The following AK8 variants were observed in gnomAD, a reference collection of about 807,000 sequenced individuals.
AK8 encodes adenylate kinase 8.
Under a neutral mutation model 54.6 loss-of-function variants are expected in AK8, and 44 were observed. That is an observed-to-expected ratio of 0.81 (90% CI 0.63 to 1.04). The LOEUF is 1.04. Ranked by LOEUF, AK8 falls within the 50% of genes least tolerant of loss-of-function variation. The pLI is 0.00. For missense variants in AK8, 555 were observed against 613.6 expected, an observed-to-expected ratio of 0.90 and a Z score of 1.01; for synonymous variants, 239 against 245.6, an observed-to-expected ratio of 0.97 and a Z score of 0.25.
intron 11 of AK8, among the ~76,000 whole-genome samples, chr9:132,744,297 A>G (rs1837534425): frequency 6.6e-6 from 1 of 152,202 alleles, no homozygotes; most frequent in South Asian, 2.1e-4. Flanking sequence ...TAATTACTCC[A>G]AAATTATGTT....
chr9:132,873,132 G>A (rs1280658641), intron 2 of AK8, among the ~76,000 whole-genome samples: 1 of 152,200 alleles, frequency 6.6e-6, no homozygotes, highest in Non-Finnish European at 1.5e-5. Context: ...ATTTTTAGTA[G>A]AGATGGGGTT....
At chr9:132,808,439 G>A (rs189264794) in intron 10 of AK8, among the ~76,000 whole-genome samples, 1 of 152,210 alleles carries the variant, frequency 6.6e-6, no homozygotes, top group Admixed American at 6.5e-5. Flanking sequence ...CTGAAGATGC[G>A]CTAAGATGGG....
chr9:132,774,571 G>A (rs534565503), intron 11 of AK8, among the ~76,000 whole-genome samples: 2 of 152,202 alleles, frequency 1.3e-5, no homozygotes, highest in Admixed American at 1.3e-4. Context: ...GATGTCTCCC[G>A]AAGTCCCCTA....
chr9:132,742,545 T>A (rs1055135413), intron 11 of AK8, among the ~76,000 whole-genome samples: 3 of 152,236 alleles, frequency 2.0e-5, no homozygotes, highest in East Asian at 3.9e-4. Flanking sequence ...AAACTAAGCA[T>A]GACAGGGGTA....
intron 11 of AK8, among the ~76,000 whole-genome samples, chr9:132,751,378 C>CAAA (rs1208975942): frequency 2.0e-5 from 1 of 50,196 alleles, no homozygotes; most frequent in Non-Finnish European, 4.5e-5. Flanking sequence ...AGTGAGACTC[C>CAAA]AAAAAAAAAA....
chr9:132,849,848 C>T (rs548733395), intron 5 of AK8, among the ~76,000 whole-genome samples: 12 of 151,458 alleles, frequency 7.9e-5, no homozygotes, highest in Admixed American at 1.3e-4. Context: ...CAGGTTCAAG[C>T]GATTCTCCTG....
At chr9:132,802,379 A>T (rs1222660940) in intron 10 of AK8, among the ~76,000 whole-genome samples, 2 of 152,186 alleles carry the variant, frequency 1.3e-5, no homozygotes, top group Non-Finnish European at 2.9e-5. Flanking sequence ...CCCAGTGACA[A>T]GCTCTGTGAA....
chr9:132,739,441 C>CAAAAAAAAAAAAAAAAAA (rs768297504), intron 11 of AK8, among the ~76,000 whole-genome samples: 1 of 31,142 alleles, frequency 3.2e-5, no homozygotes, highest in Non-Finnish European at 5.3e-5. Context: ...GACTCTGTCT[C>CAAAAAAAAAAAAAAAAAA]AAAAAAAAAA....
chr9:132,741,447 A>G (rs1334792513), intron 11 of AK8, among the ~76,000 whole-genome samples: 3 of 152,196 alleles, frequency 2.0e-5, no homozygotes, highest in Non-Finnish European at 2.9e-5. Flanking sequence ...TTTGGACGCC[A>G]GTCAAGATCC....
chr9:132,742,304 A>G lies in AK8; in HGVS notation c.1122-14770T>C, dbSNP rs2130981451. 2.0e-5 allele frequency among the ~76,000 whole-genome samples: 3 copies of G among 152,022 alleles called. No homozygotes were observed. In the South Asian group the frequency reaches 6.2e-4, roughly 32 times the overall value. Reference sequence around the variant, plus strand: ...ATCCTCCCACTTCAGCCTCCCTAACAGCTAGGACTACAGCACATGCCACTA... The same window carrying G: ...ATCCTCCCACTTCAGCCTCCCTAACGGCTAGGACTACAGCACATGCCACTA... On this transcript the variant is annotated intron_variant, in intron 11 of 12. Transcript: ENST00000298545.
intron 11 of AK8, among the ~76,000 whole-genome samples, chr9:132,761,510 C>T (rs1838471388): frequency 6.6e-6 from 1 of 152,142 alleles, no homozygotes; most frequent in South Asian, 2.1e-4. Context: ...TATCTGCCCA[C>T]CTCAGCTTCC....
intron 11 of AK8, among the ~76,000 whole-genome samples, chr9:132,788,723 T>C (rs1839821791): frequency 6.6e-6 from 1 of 152,114 alleles, no homozygotes; most frequent in African/African-American, 2.4e-5. Context: ...ATCAATCAAA[T>C]TGTTAACAAG....
Position 132,826,340 on chromosome 9 carries a change from G to A in AK8, c.757+514C>T, listed in dbSNP as rs1478747041. 6.6e-6 allele frequency among the ~76,000 whole-genome samples: 1 copy of A among 152,218 alleles called. No individual in the cohort carries two copies. Among genetic ancestry groups the A allele is most frequent in the Non-Finnish European group, 1.5e-5 (1 of 68,042 alleles). The stretch of plus-strand genomic sequence containing the variant: ...TGCCCGCAGTGGCTCCCGAGCTGCT[G>A]TGAACATTGGCCATTGCTGTGGACA... On this transcript the variant is annotated intron_variant, in intron 8 of 12. Coordinates refer to ENST00000298545, the MANE Select transcript of AK8 (RefSeq NM_152572.3). This position sits in a 1 kb window ranked among gnomAD's most constrained non-coding sequence, Gnocchi z 4.5.
intron 11 of AK8, among the ~76,000 whole-genome samples, chr9:132,768,266 T>C (rs1346092648): frequency 2.3e-5 from 2 of 88,254 alleles, no homozygotes; most frequent in African/African-American, 8.3e-5. Flanking sequence ...CATTAACTTT[T>C]TAATTTTTTT....
chr9:132,840,335 C>A (rs114505403), intron 5 of AK8, among the ~76,000 whole-genome samples: 4 of 151,880 alleles, frequency 2.6e-5, no homozygotes, highest in Non-Finnish European at 5.9e-5. Flanking sequence ...TCTTGCATTA[C>A]GCTCGCGTTT....
At chr9:132,829,464 A>G (rs1842019438) in intron 5 of AK8, among the ~76,000 whole-genome samples, 1 of 152,110 alleles carries the variant, frequency 6.6e-6, no homozygotes, top group South Asian at 2.1e-4. Context: ...ATCTTTGTGC[A>G]TCTAGCGCTT....
chr9:132,821,151 A>G (rs563173224), intron 9 of AK8, among the ~76,000 whole-genome samples: 47 of 151,774 alleles, frequency 3.1e-4, no homozygotes, highest in Non-Finnish European at 6.0e-4. Flanking sequence ...CTTTTATTGA[A>G]TGAGAGTGTC....
In AK8 at chr9:132,827,024, G is replaced by T. The variant is rs544058657; in HGVS notation, c.587C>A (p.Pro196His). 71 of 1,614,226 alleles carry T rather than the reference G, an allele frequency of 4.4e-5. No individual in the cohort carries two copies. The South Asian group carries it at 7.8e-4, about 18-fold the overall frequency. ...GAGACGGTTCTGGATTTCAGATTCGGGTGGCCAGTCAAAGGTGGTGTGATA... is the reference window on the plus strand; with the variant it reads ...GAGACGGTTCTGGATTTCAGATTCGTGTGGCCAGTCAAAGGTGGTGTGATA... ...EIYHTTFDWP[P>H]ESEIQNRLMV... is the part of the protein sequence containing the mutation. Residue 196 changes from proline (P) to histidine (H), a missense_variant, in exon 8 of 13, where the codon CCC (proline) becomes CAC (histidine). Transcript: ENST00000298545.
At chr9:132,802,324 G>A (rs946865936) in intron 10 of AK8, among the ~76,000 whole-genome samples, 2 of 152,242 alleles carry the variant, frequency 1.3e-5, no homozygotes, top group Non-Finnish European at 2.9e-5. Context: ...GCAGGGGGCG[G>A]GAGGGGGGCG....
Sources: allele counts gnomAD v4.1 joint callset (sites outside exome capture counted in the v4.1 genomes callset), GRCh38; gene constraint gnomAD v4.1.1; non-coding constraint Gnocchi (gnomAD v3.1); transcripts MANE v1.5; gene names NCBI Gene and HGNC (gene_info 2026-07-23, HGNC 2026-07-21).